The following EVC variants were observed in gnomAD, a reference collection of about 807,000 sequenced individuals.
EVC encodes the protein EvC ciliary complex subunit 1, also known as evC complex member EVC.
EVC carries 116 observed loss-of-function variants against 118.9 expected under a neutral mutation model. The ratio of observed to expected loss-of-function variants is 0.98; its 90% CI spans 0.84 to 1.14. The LOEUF is 1.14. Ranked by LOEUF, EVC falls within the 50% of genes most tolerant of loss-of-function variation. The pLI, the probability that EVC is intolerant of heterozygous loss-of-function variation, is 0.00. For synonymous variants in EVC, 619 were observed against 534.7 expected, an observed-to-expected ratio of 1.16 and a Z score of -2.18; for missense variants, 1,401 against 1,246.4, an observed-to-expected ratio of 1.12 and a Z score of -1.87.
intron 19 of EVC, 87 bp from the exon 20 acceptor site, chr4:5,810,252 T>C (rs537313333): frequency 9.9e-7 from 1 of 1,013,910 alleles, no homozygotes; most frequent in African/African-American, 1.6e-5. Flanking sequence ...TGCTCAAAAA[T>C]GTCAGGCTGG....
the EVC span, among the ~76,000 whole-genome samples, chr4:5,823,792 A>G: frequency 4.0e-5 from 6 of 150,490 alleles, no homozygotes; most frequent in African/African-American, 1.2e-4. Flanking sequence ...CCGTGAGCCA[A>G]GTAAACCTCT....
chr4:5,798,592 C>T lies in EVC; in HGVS notation c.2104C>T (p.Arg702Cys), dbSNP rs545087909. 7.7e-6 allele frequency: 12 copies of T among 1,565,322 alleles called. No homozygotes were observed. Among genetic ancestry groups the T allele is most frequent in the South Asian group, 5.9e-5 (5 of 85,014 alleles). ...CCAGTCCTTTCCCTCCCAGGAGGCG[C>T]GTGTGCTGGAGGAGGCCAGCCGGCT... The part of the protein sequence containing the change: ...QWQLLRALEA[R>C]VLEEASRLEE... The change falls in exon 15 of 21, where the codon CGT becomes TGT. Residue 702 changes from arginine (R) to cysteine (C), a missense_variant. Coordinates refer to ENST00000264956, the MANE Select transcript of EVC (RefSeq NM_153717.3). The surrounding 1 kb of genome is among the most constrained non-coding windows in gnomAD (Gnocchi z 4.1).
At chr4:5,797,985 A>G (rs1714286173) in intron 14 of EVC, among the ~76,000 whole-genome samples, 1 of 152,200 alleles carries the variant, frequency 6.6e-6, no homozygotes, top group African/African-American at 2.4e-5. Flanking sequence ...TGTAGCCACC[A>G]AGCTCTGGGA....
chr4:5,769,303 C>T (rs1384818468), intron 11 of EVC, among the ~76,000 whole-genome samples: 1 of 152,098 alleles, frequency 6.6e-6, no homozygotes, highest in Non-Finnish European at 1.5e-5. Flanking sequence ...GTCACAAGAA[C>T]AGCATGGGAA....
In EVC at chr4:5,737,552, G is replaced by A. The variant is rs1053307382; in HGVS notation, c.702+4117G>A. On this transcript the variant is annotated intron_variant, in intron 5 of 20. Transcript: ENST00000264956. This position sits in a 1 kb window ranked among gnomAD's most constrained non-coding sequence, Gnocchi z 5.0. ...ACTCTCTCGCTAGGGGCTAATGCGG[G>A]AGATGACTTTAAGTTGAAGCCAGTG... Among the ~76,000 whole-genome samples, 2 of 152,234 alleles carry A rather than the reference G, an allele frequency of 1.3e-5. No homozygotes were observed. Among genetic ancestry groups the A allele is most frequent in the East Asian group, 1.9e-4 (1 of 5,196 alleles).
Position 5,743,301 on chromosome 4 carries a change from CAG to C in EVC, c.801+1488_801+1489del, listed in dbSNP as rs1728884606. 6.6e-6 allele frequency among the ~76,000 whole-genome samples: 1 copy of C among 152,162 alleles called. No homozygotes were observed. The highest frequency in any genetic ancestry group is 1.5e-5 in the Non-Finnish European group (1 of 68,028). ...GTTGTGATCAGAAAACAAGTCCTGC[CAG>C]TCTCCTACCTCACCTTATCCTCACC... is the stretch of plus-strand genomic sequence containing the variant. On this transcript the variant is annotated intron_variant, in intron 6 of 20. Transcript: ENST00000264956. This position sits in a 1 kb window ranked among gnomAD's most constrained non-coding sequence, Gnocchi z 4.7.
In EVC at chr4:5,809,623, A is replaced by G. The variant is rs1716563983; in HGVS notation, c.2782+12A>G. The stretch of plus-strand genomic sequence containing the variant: ...GCGTGGGCTGCTAGGTGAGTCACAG[A>G]TGCTTGAGTTGCAGCGGGAAGCACT... On this transcript the variant is annotated intron_variant, in intron 19 of 20. Coordinates refer to ENST00000264956, the MANE Select transcript of EVC (RefSeq NM_153717.3). 6.2e-7 allele frequency: 1 copy of G among 1,613,080 alleles called. No homozygotes were observed. The highest frequency in any genetic ancestry group is 8.5e-7 in the Non-Finnish European group (1 of 1,179,098).
At chr4:5,769,617 C>A (rs1439457443) in intron 11 of EVC, among the ~76,000 whole-genome samples, 1 of 152,144 alleles carries the variant, frequency 6.6e-6, no homozygotes, top group Non-Finnish European at 1.5e-5. Context: ...CAGCGGGGCT[C>A]TGGGTGGAGT....
chr4:5,825,621 G>A, the EVC span: 84 of 1,608,150 alleles, frequency 5.2e-5, no homozygotes, highest in Admixed American at 6.5e-4. This position sits in a 1 kb window ranked among gnomAD's most constrained non-coding sequence, Gnocchi z 4.4. Context: ...ACACAGGACC[G>A]TCATACATGC....
Position 5,731,329 on chromosome 4 carries a change from T to C in EVC, c.385-96T>C. On this transcript the variant is annotated intron_variant, in intron 3 of 20. Coordinates refer to ENST00000264956, the MANE Select transcript of EVC (RefSeq NM_153717.3). This position sits in a 1 kb window ranked among gnomAD's most constrained non-coding sequence, Gnocchi z 5.6. ...AGTCTCCTCCAGGCAGACCTTCCTGTGAGCGGCTAGCGTGAATCACTGGTA... is the reference window on the plus strand; with the variant it reads ...AGTCTCCTCCAGGCAGACCTTCCTGCGAGCGGCTAGCGTGAATCACTGGTA... 2 of 1,082,836 alleles carry C rather than the reference T, an allele frequency of 1.8e-6. No individual in the cohort carries two copies. 67.1% of individuals were successfully genotyped at this position (1,082,836 alleles called of 1,614,324 possible).
At chr4:5,805,427 C>G (rs1334148165) in intron 17 of EVC, among the ~76,000 whole-genome samples, 2 of 152,164 alleles carry the variant, frequency 1.3e-5, no homozygotes. Flanking sequence ...TCTTAGGAAG[C>G]TGCTCAGTAA....
At chr4:5,774,013 T>C (rs1395123436) in intron 11 of EVC, among the ~76,000 whole-genome samples, 3 of 151,992 alleles carry the variant, frequency 2.0e-5, no homozygotes, top group Admixed American at 1.3e-4. Flanking sequence ...CATTGGTGCA[T>C]CTTCAGCCCT....
chr4:5,791,951 A>G (rs1712868189), intron 12 of EVC, among the ~76,000 whole-genome samples: 1 of 152,200 alleles, frequency 6.6e-6, no homozygotes, highest in Non-Finnish European at 1.5e-5. Context: ...GCATCAAGTG[A>G]TAACCCAATC....
chr4:5,825,036 G>A, the EVC span: 3 of 985,144 alleles, frequency 3.0e-6, no homozygotes, highest in Admixed American at 1.8e-4. The surrounding 1 kb of genome is among the most constrained non-coding windows in gnomAD (Gnocchi z 4.4). Flanking sequence ...ACTTTATGGA[G>A]TAGTGAGGAT....
rs551451307 is a variant in EVC at position 5,800,875 on chromosome 4, C to T, written c.2305-1075C>T. Among the ~76,000 whole-genome samples the T allele has an allele frequency of 1.8e-3, 268 of 152,322 alleles. 1 individual carries two copies. Among genetic ancestry groups the T allele is most frequent in the Non-Finnish European group, 3.1e-3 (212 of 68,030 alleles). ...CTCCGCGCCGCGCCACACCTGTGTG[C>T]TCAGGTACCTTTCTCAGATGCTGTG... On this transcript the variant is annotated intron_variant, in intron 15 of 20. Transcript: ENST00000264956.
intron 11 of EVC, chr4:5,758,391 T>G (rs530382229): frequency 9.5e-6 from 4 of 421,452 alleles, no homozygotes; most frequent in African/African-American, 8.1e-5. Flanking sequence ...GCTCCTATCT[T>G]AAGTGCCTCT....
intron 8 of EVC, among the ~76,000 whole-genome samples, chr4:5,748,687 CCCAT>C (rs1729829731): frequency 1.0e-5 from 1 of 100,340 alleles, no homozygotes; most frequent in Admixed American, 9.1e-5. Flanking sequence ...CATCCACCCA[CCCAT>C]CCATCCACCC....
At chr4:5,815,086 G>C (rs58593113), downstream of EVC, among the ~76,000 whole-genome samples, 938 of 152,296 alleles carry the variant, frequency 6.2e-3, 23 homozygotes, top group East Asian at 0.077. Flanking sequence ...AGTGTCACCT[G>C]ATATGCAGTG....
chr4:5,770,576 A>G (rs937110726), intron 11 of EVC, among the ~76,000 whole-genome samples: 2 of 152,186 alleles, frequency 1.3e-5, no homozygotes, highest in African/African-American at 2.4e-5. Flanking sequence ...AGAACACAAG[A>G]AGGGAGAAGG....
Sources: allele counts gnomAD v4.1 joint callset (sites outside exome capture counted in the v4.1 genomes callset), GRCh38; gene constraint gnomAD v4.1.1; non-coding constraint Gnocchi (gnomAD v3.1); transcripts MANE v1.5; gene names NCBI Gene and HGNC (gene_info 2026-07-23, HGNC 2026-07-21).